Variants in IMMP2L observed in about 807,000 individuals in gnomAD.
IMMP2L encodes inner mitochondrial membrane peptidase subunit 2.
IMMP2L carries 18 observed loss-of-function variants against 19.3 expected under a neutral mutation model. The observed-to-expected ratio is 0.93, with a 90% CI of 0.64 to 1.38. IMMP2L has a LOEUF of 1.38. IMMP2L is among the 40% of genes most tolerant of loss of function. IMMP2L has a pLI of 0.00. For synonymous variants in IMMP2L, 76 were observed against 73.0 expected, an observed-to-expected ratio of 1.04 and a Z score of -0.21; for missense variants, 233 against 218.2, an observed-to-expected ratio of 1.07 and a Z score of -0.43.
intron 3 of IMMP2L, among the ~76,000 whole-genome samples, chr7:111,341,884 C>G (rs1310220102): frequency 6.6e-6 from 1 of 152,078 alleles, no homozygotes; most frequent in Admixed American, 6.6e-5. Context: ...TGTGTTTGAT[C>G]TCTCACCCTC....
At chr7:111,226,854 G>A (rs1299940558) in intron 3 of IMMP2L, among the ~76,000 whole-genome samples, 1 of 152,008 alleles carries the variant, frequency 6.6e-6, no homozygotes, top group East Asian at 1.9e-4. Context: ...GGAAATGGAA[G>A]TAATATAGCA....
chr7:110,860,466 C>T (rs1807283336), intron 5 of IMMP2L, among the ~76,000 whole-genome samples: 1 of 151,968 alleles, frequency 6.6e-6, no homozygotes, highest in African/African-American at 2.4e-5. Context: ...AATTATAGAA[C>T]TTAAGTATAT....
At chr7:110,744,622 C>T (rs376354518) in intron 5 of IMMP2L, among the ~76,000 whole-genome samples, 1 of 152,200 alleles carries the variant, frequency 6.6e-6, no homozygotes. Flanking sequence ...TGGAGTGGAC[C>T]TCCAGCAAAC....
chr7:110,690,155 CT>C (rs1793393487), intron 5 of IMMP2L, among the ~76,000 whole-genome samples: 1 of 152,336 alleles, frequency 6.6e-6, no homozygotes, highest in South Asian at 2.1e-4. Context: ...GCCACAATTC[CT>C]GTCCTATGAC....
At chr7:111,465,935 A>T (rs1840612124) in intron 3 of IMMP2L, among the ~76,000 whole-genome samples, 1 of 152,200 alleles carries the variant, frequency 6.6e-6, no homozygotes, top group Non-Finnish European at 1.5e-5. Flanking sequence ...CAAATGTCCA[A>T]GAATGATAGA....
rs2191925 is a variant in IMMP2L, at chr7:110,947,703, C to T, written c.305+15797G>A. ...ATGTTACAGTAAAAGATTAAATAGT[C>T]GTTTACTTTTTGATGTATGTAAAAT... On this transcript the variant is annotated intron_variant, in intron 4 of 5. Transcript: ENST00000405709. Among the ~76,000 whole-genome samples, 991 of 152,194 alleles carry T rather than the reference C, an allele frequency of 6.5e-3. 3 individuals are homozygous for T. Among genetic ancestry groups the T allele is most frequent in the Non-Finnish European group, 9.1e-3 (622 of 68,008 alleles).
intron 3 of IMMP2L, among the ~76,000 whole-genome samples, chr7:111,356,789 G>A (rs1202225015): frequency 6.6e-6 from 1 of 152,154 alleles, no homozygotes; most frequent in Non-Finnish European, 1.5e-5. Flanking sequence ...CACTTTGGGA[G>A]GCTGAGGTAG....
At chr7:111,371,608 C>G (rs1318918058) in intron 3 of IMMP2L, among the ~76,000 whole-genome samples, 4 of 151,986 alleles carry the variant, frequency 2.6e-5, no homozygotes, top group Admixed American at 2.6e-4. Context: ...CACCATGTAA[C>G]GATACAGTAT....
At chr7:111,382,369 A>C (rs1362917837) in intron 3 of IMMP2L, among the ~76,000 whole-genome samples, 1 of 152,082 alleles carries the variant, frequency 6.6e-6, no homozygotes, top group Admixed American at 6.6e-5. Flanking sequence ...AAAATCAAAA[A>C]GTATTTGGCA....
At chr7:111,054,446 A>T (rs1793306803) in intron 3 of IMMP2L, among the ~76,000 whole-genome samples, 1 of 152,210 alleles carries the variant, frequency 6.6e-6, no homozygotes, top group Non-Finnish European at 1.5e-5. Flanking sequence ...AGTCTTTACA[A>T]GATACAATTT....
intron 3 of IMMP2L, among the ~76,000 whole-genome samples, chr7:111,386,047 A>T (rs1277193021): frequency 6.8e-6 from 1 of 146,264 alleles, no homozygotes; most frequent in African/African-American, 2.5e-5. Flanking sequence ...CTCCCAGCTA[A>T]TTTTTTTTTT....
chr7:111,519,956 A>C (rs1356176334), intron 2 of IMMP2L, among the ~76,000 whole-genome samples: 1 of 152,068 alleles, frequency 6.6e-6, no homozygotes, highest in African/African-American at 2.4e-5. Flanking sequence ...TTGGGACCAA[A>C]AAGGAATGTG....
chr7:111,203,360 GA>G (rs963403238), intron 3 of IMMP2L, among the ~76,000 whole-genome samples: 3 of 150,052 alleles, frequency 2.0e-5, no homozygotes, highest in Non-Finnish European at 3.0e-5. Flanking sequence ...GAAACAAACA[GA>G]AAAAAAAATC....
In IMMP2L at chr7:110,803,937, T is replaced by C. The variant is rs1801432972; in HGVS notation, c.408+82656A>G. Among the ~76,000 whole-genome samples, 1 of 152,038 alleles carries C rather than the reference T, an allele frequency of 6.6e-6. No homozygotes were observed. ...GCAGGAATCTGTTTACCTAGTCTTCTTGGTGATTATGATATAAGCTGAAGT... is the reference window on the plus strand; with the variant it reads ...GCAGGAATCTGTTTACCTAGTCTTCCTGGTGATTATGATATAAGCTGAAGT... On this transcript the variant is annotated intron_variant, in intron 5 of 5. Transcript: ENST00000405709. This position sits in a 1 kb window ranked among gnomAD's most constrained non-coding sequence, Gnocchi z 4.2.
chr7:111,265,693 A>C (rs562567755), intron 3 of IMMP2L, among the ~76,000 whole-genome samples: 2 of 152,280 alleles, frequency 1.3e-5, no homozygotes, highest in East Asian at 3.9e-4. Context: ...GTCTGCTTAG[A>C]AATTGCTCAA....
intron 3 of IMMP2L, among the ~76,000 whole-genome samples, chr7:111,115,526 A>T (rs568469372): frequency 6.6e-6 from 1 of 152,144 alleles, no homozygotes; most frequent in Non-Finnish European, 1.5e-5. Context: ...CCCCCTCTGT[A>T]AAAGAAAATT....
intron 5 of IMMP2L, among the ~76,000 whole-genome samples, chr7:110,673,727 C>A (rs919123043): frequency 7.9e-5 from 12 of 152,188 alleles, no homozygotes; most frequent in African/African-American, 2.7e-4. Context: ...CAGTTCCCAA[C>A]AAGTTCCTCA....
At chr7:110,918,081 C>G (rs184006848) in intron 4 of IMMP2L, among the ~76,000 whole-genome samples, 1 of 152,240 alleles carries the variant, frequency 6.6e-6, no homozygotes, top group Admixed American at 6.5e-5. Context: ...AATGAAATAT[C>G]CCAATGTTCA....
intron 2 of IMMP2L, among the ~76,000 whole-genome samples, chr7:111,494,554 C>A (rs148123071): frequency 2.0e-5 from 3 of 152,178 alleles, no homozygotes; most frequent in Non-Finnish European, 4.4e-5. Flanking sequence ...TTTGAATAGT[C>A]CTTGCCCTAA....
Sources: allele counts gnomAD v4.1 joint callset (sites outside exome capture counted in the v4.1 genomes callset), GRCh38; gene constraint gnomAD v4.1.1; non-coding constraint Gnocchi (gnomAD v3.1); transcripts MANE v1.5; gene names NCBI Gene and HGNC (gene_info 2026-07-23, HGNC 2026-07-21).